UPB1: variants seen among roughly 807,000 people sequenced by gnomAD.
The protein encoded by UPB1 is beta-ureidopropionase.
Under a neutral mutation model 49.1 loss-of-function variants are expected in UPB1, and 40 were observed. That is an observed-to-expected ratio of 0.81 (90% CI 0.63 to 1.06). The LOEUF is 1.06. Among genes scored for constraint, UPB1 ranks in the 50% least tolerant of loss-of-function variants. UPB1 has a pLI of 0.00. For missense variants in UPB1, 499 were observed against 505.9 expected, an observed-to-expected ratio of 0.99 and a Z score of 0.13; for synonymous variants, 207 against 198.2, an observed-to-expected ratio of 1.04 and a Z score of -0.38.
Position 24,513,345 on chromosome 22 carries a change from G to A in UPB1, c.481G>A (p.Val161Met), listed in dbSNP as rs1470251126. The A allele has an allele frequency of 1.2e-6, 2 of 1,614,186 alleles. No homozygotes were observed. The highest frequency in any genetic ancestry group is 2.2e-5 in the South Asian group (2 of 91,078). The change falls in exon 5 of 10, where the codon GTG becomes ATG. Residue 161 changes from valine to methionine, a missense_variant. Val to Met is a conservative substitution (Grantham distance 21, BLOSUM62 1). Coordinates refer to ENST00000326010, the MANE Select transcript of UPB1 (RefSeq NM_016327.3). ...CQKLAKNHDM[V>M]VVSPILERDS... ...CCAGCTGGCGAAGAACCATGACATGGTGGTGGTGTCTCCCATCCTGGAACG... is the reference window on the plus strand; with the variant it reads ...CCAGCTGGCGAAGAACCATGACATGATGGTGGTGTCTCCCATCCTGGAACG...
Position 24,522,703 on chromosome 22 carries a change from G to A in UPB1, c.916+675G>A, listed in dbSNP as rs551660662. On this transcript the variant is annotated intron_variant, in intron 8 of 9. Transcript: ENST00000326010. ...TCCCAGTACTTTGGGAGGCTGAGGC[G>A]GGCGGATCACCTGAGGTTGGGAGTT... 1.1e-3 allele frequency among the ~76,000 whole-genome samples: 173 copies of A among 151,516 alleles called. 1 individual carries two copies. The highest frequency in any genetic ancestry group is 4.1e-3 in the African/African-American group (169 of 41,302).
At position 24,508,572 on chromosome 22, in the gene UPB1, AAAAG is replaced by A. The variant is rs143010513; in HGVS notation, c.365-2165_365-2162del. Among the ~76,000 whole-genome samples, 962 of 142,876 alleles carry A rather than the reference AAAAG, an allele frequency of 6.7e-3. 13 individuals are homozygous for A. Among genetic ancestry groups the A allele is most frequent in the African/African-American group, 0.022 (868 of 40,242 alleles). The allele number at this position is 142,876 out of a possible 152,430, so 93.7% of individuals were successfully genotyped here. A position where few individuals can be genotyped will look rare whatever the true frequency, so the allele number is the denominator to read the frequency against. The stretch of plus-strand genomic sequence containing the variant: ...GAGACTCCGTCTCAAAAAAGAAAAA[AAAAG>A]AAAGAAAGAAATGGACTTGGGCTGG... On this transcript the variant is annotated intron_variant, in intron 3 of 9. Transcript: ENST00000326010.
intron 6 of UPB1, among the ~76,000 whole-genome samples, chr22:24,517,593 G>T (rs1465894908): frequency 1.3e-5 from 2 of 152,168 alleles, no homozygotes; most frequent in African/African-American, 4.8e-5. Flanking sequence ...CCTATCTCAG[G>T]CTTTTATTGG....
intron 9 of UPB1, 110 bp from the exon 10 acceptor site, chr22:24,525,601 G>A (rs1242963382): frequency 7.7e-7 from 1 of 1,293,838 alleles, no homozygotes; most frequent in Admixed American, 1.7e-5. Context: ...GAGCCTTCCT[G>A]ATGCGTTCCT....
Position 24,510,896 on chromosome 22 carries a change from A to G in UPB1, c.459+53A>G. On this transcript the variant is annotated intron_variant, in intron 4 of 9. Coordinates refer to ENST00000326010, the MANE Select transcript of UPB1 (RefSeq NM_016327.3). Reference sequence around the variant, plus strand: ...CAGCTGCCAAATATGTGCAAGTCACAGAGCATGACCACAGCTGCCGGGTTT... The same window carrying G: ...CAGCTGCCAAATATGTGCAAGTCACGGAGCATGACCACAGCTGCCGGGTTT... 3 of 1,579,080 alleles carry G rather than the reference A, an allele frequency of 1.9e-6. 1 individual carries two copies. The East Asian group carries it at 6.7e-5, about 35-fold the overall frequency.
chr22:24,520,241 T>A (rs1162980863), intron 6 of UPB1, 146 bp from the exon 7 acceptor site: 1 of 887,210 alleles, frequency 1.1e-6, no homozygotes, highest in African/African-American at 1.7e-5. Flanking sequence ...TCCCCACCAC[T>A]GGCCCAGGAA....
Position 24,515,375 on chromosome 22 carries a change from C to G in UPB1, c.791+5C>G, listed in dbSNP as rs374432230. 138 of 1,613,954 alleles carry G rather than the reference C, an allele frequency of 8.6e-5. 1 individual carries two copies. The Middle Eastern group carries it at 9.9e-4, about 12-fold the overall frequency. On this transcript the variant is annotated splice_donor_5th_base_variant and intron_variant, in intron 6 of 9. Transcript: ENST00000326010. The stretch of plus-strand genomic sequence containing the variant: ...GGCCACGATAGGAGCACTCAGGTCA[C>G]TCAGTTGGTGGGGTCTGGGGGGCTT...
At chr22:24,519,800 C>T (rs1470723794) in intron 6 of UPB1, 2 of 162,986 alleles carry the variant, frequency 1.2e-5, no homozygotes, top group Non-Finnish European at 2.7e-5. Context: ...TGCAAGGCAG[C>T]ATAGCAGAGT....
intron 1 of UPB1, among the ~76,000 whole-genome samples, chr22:24,496,910 T>C (rs746749277): frequency 1.3e-5 from 2 of 152,110 alleles, no homozygotes; most frequent in Non-Finnish European, 2.9e-5. Context: ...GTTCCTGAGA[T>C]GGGGCCAGGA....
chr22:24,503,992 A>AG (rs1299770909), intron 3 of UPB1, among the ~76,000 whole-genome samples: 10 of 152,366 alleles, frequency 6.6e-5, no homozygotes, highest in East Asian at 3.9e-4. Context: ...AGGCAGGGAC[A>AG]GGTCAGGCAA....
chr22:24,507,158 C>T (rs1329493751), intron 3 of UPB1, among the ~76,000 whole-genome samples: 1 of 152,194 alleles, frequency 6.6e-6, no homozygotes, highest in African/African-American at 2.4e-5. Context: ...AAAGAAGCTG[C>T]TTATTCTCTG....
Position 24,526,484 on chromosome 22 carries a change from T to G in UPB1, c.*690T>G, listed in dbSNP as rs1314. 25,552 of 155,230 alleles carry G rather than the reference T, an allele frequency of 0.16. 2,230 individuals are homozygous for G. Among genetic ancestry groups the G allele is most frequent in the South Asian group, 0.26 (1,350 of 5,100 alleles). The allele number at this position is 155,230 out of a possible 1,614,324, so 9.6% of individuals were successfully genotyped here. On this transcript the variant is annotated 3_prime_UTR_variant, in exon 10 of 10. Transcript: ENST00000326010. ...AGTGCTTGGCGAGAGTTCCTGACAG[T>G]CTGCCCTTCTGATAGCCTGCCTCAC...
At chr22:24,523,519 G>A in intron 8 of UPB1, 100 bp from the exon 9 acceptor site, 1 of 1,549,658 alleles carries the variant, frequency 6.5e-7, no homozygotes, top group Non-Finnish European at 8.8e-7. Context: ...AGGATGGCAT[G>A]GACTCCGTGT....
intron 1 of UPB1, 139 bp from the exon 2 acceptor site, chr22:24,499,967 TG>T (rs2147000529): frequency 7.8e-7 from 1 of 1,278,310 alleles, no homozygotes; most frequent in Admixed American, 1.9e-5. Context: ...CCAGCTCCCT[TG>T]GGCCCTGGCA....
Position 24,526,317 on chromosome 22 carries a change from G to A in UPB1, c.*523G>A. On this transcript the variant is annotated 3_prime_UTR_variant, in exon 10 of 10. Transcript: ENST00000326010. ...TTCTGTGAAGGTATTTTGTAGATGTGACAGAAGTCCATTCCCAATTGACTA... is the reference window on the plus strand; with the variant it reads ...TTCTGTGAAGGTATTTTGTAGATGTAACAGAAGTCCATTCCCAATTGACTA... 4.7e-6 allele frequency: 1 copy of A among 211,232 alleles called. No individual in the cohort carries two copies. Among genetic ancestry groups the A allele is most frequent in the Admixed American group, 5.3e-5 (1 of 18,954 alleles). The allele number at this position is 211,232 out of a possible 1,614,324, so 13.1% of individuals were successfully genotyped here.
rs113492967 is a variant in UPB1 at position 24,526,079 on chromosome 22, TA to T, written c.*296del. 25,089 of 326,566 alleles carry T rather than the reference TA, an allele frequency of 0.077. No homozygotes were observed. Among genetic ancestry groups the T allele is most frequent in the East Asian group, 0.12 (1,636 of 14,174 alleles). 20.2% of individuals were successfully genotyped at this position (326,566 alleles called of 1,614,324 possible). A position where few individuals can be genotyped will look rare whatever the true frequency, so the allele number is the denominator to read the frequency against. On this transcript the variant is annotated 3_prime_UTR_variant, in exon 10 of 10. Transcript: ENST00000326010. ...TTTGTTATGTAAATTTTACCTCAACTAAAAAAAAAAATGCCCAGGTACTGCT... is the reference window on the plus strand; with the variant it reads ...TTTGTTATGTAAATTTTACCTCAACTAAAAAAAAAATGCCCAGGTACTGCT...
At chr22:24,505,527 G>A (rs1002064491) in intron 3 of UPB1, among the ~76,000 whole-genome samples, 1 of 152,138 alleles carries the variant, frequency 6.6e-6, no homozygotes, top group African/African-American at 2.4e-5. Context: ...GCATGCTGAT[G>A]TTTACTCAAT....
chr22:24,515,605 C>T (rs1422613736), intron 6 of UPB1, among the ~76,000 whole-genome samples: 1 of 152,232 alleles, frequency 6.6e-6, no homozygotes, highest in Non-Finnish European at 1.5e-5. Context: ...AGTAAAACAC[C>T]AACCTCTGCT....
At position 24,523,704 on chromosome 22, in the gene UPB1, G is replaced by T; in HGVS notation, c.1002G>T (p.Arg334=). 1 of 1,614,290 alleles carries T rather than the reference G, an allele frequency of 6.2e-7. No individual in the cohort carries two copies. Among genetic ancestry groups the T allele is most frequent in the Non-Finnish European group, 8.5e-7 (1 of 1,180,054 alleles). The change falls in exon 9 of 10, where the codon CGG becomes CGT. Residue 334 remains arginine, a synonymous_variant. Coordinates refer to ENST00000326010, the MANE Select transcript of UPB1 (RefSeq NM_016327.3). The stretch of plus-strand genomic sequence containing the variant: ...GGACTCCTGGGCTGTCCCGTAGCCG[G>T]GATGGACTGCTAGTTGCTAAGCTCG... ...SSRTPGLSRS[R]DGLLVAKLDL...
Sources: allele counts gnomAD v4.1 joint callset (sites outside exome capture counted in the v4.1 genomes callset), GRCh38; gene constraint gnomAD v4.1.1; transcripts MANE v1.5; gene names NCBI Gene and HGNC (gene_info 2026-07-23, HGNC 2026-07-21).